PDE1A: variants seen among roughly 807,000 people sequenced by gnomAD.
PDE1A encodes dual specificity calcium/calmodulin-dependent 3',5'-cyclic nucleotide phosphodiesterase 1A.
PDE1A carries 35 observed loss-of-function variants against 61.7 expected under a neutral mutation model. The observed-to-expected ratio is 0.57, with a 90% CI of 0.43 to 0.75. The LOEUF is 0.75. Ranked by LOEUF, PDE1A falls within the 30% of genes least tolerant of loss-of-function variation. PDE1A has a pLI of 0.00. For missense variants in PDE1A, 597 were observed against 630.6 expected (o/e 0.95, Z 0.57); for synonymous variants, 232 against 213.2 (o/e 1.09, Z -0.77).
chr2:182,423,866 T>C (rs1472554991), intron 1 of PDE1A, among the ~76,000 whole-genome samples: 2 of 150,814 alleles, frequency 1.3e-5, no homozygotes, highest in East Asian at 1.9e-4. Context: ...GCTTCAATTA[T>C]AGGGGAAATT....
Position 182,505,944 on chromosome 2 carries a change from A to G in PDE1A, c.101+16332T>C, listed in dbSNP as rs534387727. On this transcript the variant is annotated intron_variant, in intron 2 of 14. Coordinates refer to the PDE1A transcript ENST00000410103. Reference sequence around the variant, plus strand: ...GAAGCAGAGATTTGCTAGGAAATGAAGTATCAAAAGGCCACACATAAAGAT... The same window carrying G: ...GAAGCAGAGATTTGCTAGGAAATGAGGTATCAAAAGGCCACACATAAAGAT... 5.9e-5 allele frequency among the ~76,000 whole-genome samples: 9 copies of G among 152,358 alleles called. No homozygotes were observed. The South Asian group carries it at 1.9e-3, about 32-fold the overall frequency.
At chr2:182,148,831 C>T (rs1354873160) in intron 13 of PDE1A, among the ~76,000 whole-genome samples, 2 of 152,120 alleles carry the variant, frequency 1.3e-5, no homozygotes, top group Non-Finnish European at 2.9e-5. Flanking sequence ...AAGTTCTCCT[C>T]CCTTAATTTG....
intron 1 of PDE1A, among the ~76,000 whole-genome samples, chr2:182,394,619 A>C (rs1178282646): frequency 6.6e-6 from 1 of 152,216 alleles, no homozygotes; most frequent in Admixed American, 6.5e-5. Context: ...TTGGTCCTCC[A>C]GTTAAAGTAG....
At chr2:182,428,099 C>T (rs1185959452), upstream of PDE1A, among the ~76,000 whole-genome samples, 1 of 152,016 alleles carries the variant, frequency 6.6e-6, no homozygotes. Flanking sequence ...TTTTATCGAG[C>T]CGTTCTAATC....
chr2:182,267,986 T>C (rs1315170588), intron 1 of PDE1A, among the ~76,000 whole-genome samples: 2 of 152,160 alleles, frequency 1.3e-5, no homozygotes, highest in Admixed American at 1.3e-4. Flanking sequence ...AAATATTTTA[T>C]GCACAAAGTC....
At chr2:182,581,466 T>C in the PDE1A span, among the ~76,000 whole-genome samples, 1 of 152,176 alleles carries the variant, frequency 6.6e-6, no homozygotes, top group Non-Finnish European at 1.5e-5. Flanking sequence ...CAAATGCCCC[T>C]GTGTGTGAGC....
the PDE1A span, among the ~76,000 whole-genome samples, chr2:182,642,965 G>GT: frequency 6.6e-6 from 1 of 152,140 alleles, no homozygotes; most frequent in Admixed American, 6.6e-5. Flanking sequence ...GAGTGTCAGG[G>GT]ACAGGCATGT....
intron 2 of PDE1A, among the ~76,000 whole-genome samples, chr2:182,435,449 G>A (rs1193668835): frequency 6.6e-6 from 1 of 152,006 alleles, no homozygotes; most frequent in African/African-American, 2.4e-5. Context: ...GCAATAATAC[G>A]TGATTTCAAG....
intron 1 of PDE1A, among the ~76,000 whole-genome samples, chr2:182,396,885 T>G (rs1701734172): frequency 6.6e-6 from 1 of 152,180 alleles, no homozygotes; most frequent in African/African-American, 2.4e-5. Context: ...TCCGGGTGAT[T>G]TGGCAACTGC....
chr2:182,402,982 C>T, intron 1 of PDE1A, among the ~76,000 whole-genome samples: 1 of 152,180 alleles, frequency 6.6e-6, no homozygotes. Flanking sequence ...GATACCATCT[C>T]ACGCCAGTTA....
At chr2:182,195,940 C>T (rs1488463158) in intron 10 of PDE1A, among the ~76,000 whole-genome samples, 1 of 152,030 alleles carries the variant, frequency 6.6e-6, no homozygotes, top group Non-Finnish European at 1.5e-5. Context: ...CAGAGAAATG[C>T]ATACAGCAAG....
chr2:182,659,002 A>G, the PDE1A span, among the ~76,000 whole-genome samples: 2 of 151,910 alleles, frequency 1.3e-5, no homozygotes, highest in African/African-American at 4.9e-5. Context: ...AGAAAAACTC[A>G]TTTCTTACTA....
In PDE1A at chr2:182,259,765, T is replaced by C. The variant is rs551735763; in HGVS notation, c.167+4536A>G. ...TTTTAGGAGGTATTAGTAAGCACAA[T>C]ACCGATCTTGAAAGTATATCTCTCA... On this transcript the variant is annotated intron_variant, in intron 2 of 13. Coordinates refer to ENST00000351439, the Ensembl canonical transcript of PDE1A. 2.0e-5 allele frequency among the ~76,000 whole-genome samples: 3 copies of C among 152,322 alleles called. No individual in the cohort carries two copies. The South Asian group carries it at 6.2e-4, about 32-fold the overall frequency.
intron 1 of PDE1A, among the ~76,000 whole-genome samples, chr2:182,404,945 G>C (rs142297491): frequency 2.9e-3 from 436 of 152,192 alleles, no homozygotes; most frequent in Middle Eastern, 0.01. Context: ...ACATATACCA[G>C]TAACATAGTT....
At chr2:182,233,330 C>G (rs1354144335) in intron 4 of PDE1A, among the ~76,000 whole-genome samples, 1 of 151,970 alleles carries the variant, frequency 6.6e-6, no homozygotes, top group East Asian at 1.9e-4. Flanking sequence ...GAAACTGTTC[C>G]ACCTCATCAG....
intron 1 of PDE1A, among the ~76,000 whole-genome samples, chr2:182,383,947 A>G (rs1206126305): frequency 2.6e-5 from 4 of 152,034 alleles, no homozygotes; most frequent in Admixed American, 6.5e-5. Context: ...ATAGTCTCAT[A>G]CTCCGTGATG....
chr2:182,632,246 A>T, the PDE1A span, among the ~76,000 whole-genome samples: 1 of 152,154 alleles, frequency 6.6e-6, no homozygotes, highest in African/African-American at 2.4e-5. Context: ...TACCACCATT[A>T]AAAATAAAAT....
chr2:182,232,342 T>G (rs1689651609), intron 4 of PDE1A, among the ~76,000 whole-genome samples: 1 of 152,230 alleles, frequency 6.6e-6, no homozygotes, highest in Admixed American at 6.5e-5. Flanking sequence ...ACAGTAGGTT[T>G]AGTATTGAAC....
chr2:182,426,956 C>G (rs762162775), exon 1 of PDE1A: 1 of 1,048,764 alleles, frequency 9.5e-7, no homozygotes, highest in Non-Finnish European at 1.1e-6. Flanking sequence ...ACTTCCTACC[C>G]CAGTGTCATC....
Sources: allele counts gnomAD v4.1 joint callset (sites outside exome capture counted in the v4.1 genomes callset), GRCh38; gene constraint gnomAD v4.1.1; transcripts MANE v1.5; gene names NCBI Gene and HGNC (gene_info 2026-07-23, HGNC 2026-07-21).